The following UBE4B variants were observed in gnomAD, a reference collection of about 807,000 sequenced individuals.
The protein encoded by UBE4B is ubiquitin conjugation factor E4 B.
Under a neutral mutation model 148.1 loss-of-function variants are expected in UBE4B, and 27 were observed. The ratio of observed to expected loss-of-function variants is 0.18; its 90% CI spans 0.13 to 0.25. The LOEUF (loss-of-function observed/expected upper bound fraction) is 0.25. UBE4B is among the 10% of genes least tolerant of loss of function. The pLI, the probability that UBE4B is intolerant of heterozygous loss-of-function variation, is 1.00. For missense variants in UBE4B, 1,170 were observed against 1,662.4 expected (o/e 0.70, Z 5.15); for synonymous variants, 596 against 619.3 (o/e 0.96, Z 0.56).
intron 18 of UBE4B, among the ~76,000 whole-genome samples, chr1:10,145,781 C>T (rs1645861108): frequency 1.3e-5 from 2 of 152,164 alleles, no homozygotes. Flanking sequence ...CTTTGCCCCT[C>T]ATTCTTTCTT....
chr1:10,129,538 C>G, intron 12 of UBE4B, 90 bp downstream of exon 12: 2 of 1,333,804 alleles, frequency 1.5e-6, no homozygotes, highest in Non-Finnish European at 2.1e-6. Flanking sequence ...TGGAAAATGT[C>G]TCTTGAAGGA....
intron 1 of UBE4B, among the ~76,000 whole-genome samples, chr1:10,040,994 A>G (rs1012430510): frequency 3.9e-5 from 6 of 152,078 alleles, no homozygotes; most frequent in African/African-American, 1.4e-4. Flanking sequence ...TTTCCTCAGA[A>G]GATAGTTGCT....
At chr1:10,146,864 C>T in intron 18 of UBE4B, 99 bp from the exon 19 acceptor site, 1 of 1,467,972 alleles carries the variant, frequency 6.8e-7, no homozygotes, top group Non-Finnish European at 9.2e-7. Context: ...AGCTCTGGAA[C>T]CCAAATTTCC....
At chr1:10,072,994 G>A (rs1251059876) in intron 2 of UBE4B, 1 of 152,726 alleles carries the variant, frequency 6.5e-6, no homozygotes. Flanking sequence ...AAAAGTATTT[G>A]CAGAGTTTTT....
intron 1 of UBE4B, among the ~76,000 whole-genome samples, chr1:10,048,307 A>C (rs1170514206): frequency 1.3e-5 from 2 of 152,174 alleles, no homozygotes; most frequent in African/African-American, 2.4e-5. Flanking sequence ...ACATATTATG[A>C]ATATGCTGCC....
At chr1:10,167,940 A>G (rs1461554459) in intron 23 of UBE4B, among the ~76,000 whole-genome samples, 196 bp from the exon 24 acceptor site, 3 of 152,174 alleles carry the variant, frequency 2.0e-5, no homozygotes, top group African/African-American at 7.2e-5. Context: ...AGGCACCAAC[A>G]TCACCTGGCT....
chr1:10,146,240 T>C (rs1011849766), intron 18 of UBE4B, among the ~76,000 whole-genome samples: 2 of 152,076 alleles, frequency 1.3e-5, no homozygotes, highest in African/African-American at 2.4e-5. Context: ...TCACCTGAGG[T>C]CAGGAGTTCG....
chr1:10,084,524 C>G (rs561544034), intron 2 of UBE4B, among the ~76,000 whole-genome samples: 2 of 151,876 alleles, frequency 1.3e-5, no homozygotes, highest in African/African-American at 4.8e-5. Flanking sequence ...TTTGTCTGGT[C>G]TTCCAAACTA....
intron 19 of UBE4B, 33 bp downstream of exon 19, chr1:10,147,123 T>C (rs201734678): frequency 8.8e-5 from 142 of 1,613,596 alleles, no homozygotes; most frequent in Non-Finnish European, 1.1e-4. Flanking sequence ...CCCTTGTCCC[T>C]CCTTGGCTGG....
Position 10,145,156 on chromosome 1 carries a change from C to T in UBE4B, c.2463+117C>T. 2 of 703,596 alleles carry T rather than the reference C, an allele frequency of 2.8e-6. 1 individual carries two copies. Among genetic ancestry groups the T allele is most frequent in the East Asian group, 5.3e-5 (2 of 37,576 alleles). 43.6% of individuals were successfully genotyped at this position (703,596 alleles called of 1,614,324 possible). A position where few individuals can be genotyped will look rare whatever the true frequency, so the allele number is the denominator to read the frequency against. Reference sequence around the variant, plus strand: ...CTCACTTTTTCTTTGTTATTCTTTTCCCTTCCAATAAAATAGTATATTTTA... The same window carrying T: ...CTCACTTTTTCTTTGTTATTCTTTTTCCTTCCAATAAAATAGTATATTTTA... On this transcript the variant is annotated intron_variant, in intron 18 of 27. Transcript: ENST00000343090.
At chr1:10,048,945 T>C (rs1268181115) in intron 1 of UBE4B, among the ~76,000 whole-genome samples, 1 of 152,222 alleles carries the variant, frequency 6.6e-6, no homozygotes. Context: ...CTTTCTTTAT[T>C]CATTCAACAC....
chr1:10,040,833 G>T (rs6541076), intron 1 of UBE4B, among the ~76,000 whole-genome samples: 2 of 151,786 alleles, frequency 1.3e-5, no homozygotes, highest in South Asian at 2.1e-4. Context: ...TTGGCTTGGC[G>T]GGTCTCAAAC....
intron 1 of UBE4B, among the ~76,000 whole-genome samples, chr1:10,048,380 G>A (rs778425495): frequency 2.6e-5 from 4 of 152,142 alleles, no homozygotes; most frequent in Non-Finnish European, 4.4e-5. Flanking sequence ...CTTGGGGGAG[G>A]TTGGGGTTAG....
chr1:10,058,890 A>G (rs909874670), intron 1 of UBE4B: 8 of 152,260 alleles, frequency 5.3e-5, no homozygotes, highest in Non-Finnish European at 8.8e-5. Flanking sequence ...GAGTGGCACT[A>G]TAAGGGTCTG....
At position 10,119,616 on chromosome 1, in the gene UBE4B, A is replaced by G; in HGVS notation, c.1439+3A>G. 6.2e-7 allele frequency: 1 copy of G among 1,612,012 alleles called. No individual in the cohort carries two copies. ...CAAGGCTCCCTAACACAGCCCAGGT[A>G]TGAAGACCCGTGACGTGCTTGACAT... On this transcript the variant is annotated splice_donor_region_variant and intron_variant, in intron 9 of 27. Transcript: ENST00000343090.
At chr1:10,141,677 C>T (rs1180191150) in intron 17 of UBE4B, among the ~76,000 whole-genome samples, 3 of 152,112 alleles carry the variant, frequency 2.0e-5, no homozygotes, top group Admixed American at 2.0e-4. Context: ...CTTGATCTGA[C>T]TCTAGCTGTG....
At chr1:10,123,288 G>A (rs996010985) in intron 10 of UBE4B, among the ~76,000 whole-genome samples, 2 of 151,896 alleles carry the variant, frequency 1.3e-5, no homozygotes, top group Non-Finnish European at 2.9e-5. Context: ...AAAATTAACT[G>A]GGTGTGGTGA....
At chr1:10,098,470 A>G (rs1456395684) in intron 3 of UBE4B, among the ~76,000 whole-genome samples, 1 of 152,192 alleles carries the variant, frequency 6.6e-6, no homozygotes, top group African/African-American at 2.4e-5. Context: ...TCTCTTTTAC[A>G]GTTAGATTGG....
chr1:10,095,299 A>G (rs1029317810), intron 2 of UBE4B, among the ~76,000 whole-genome samples, 162 bp from the exon 3 acceptor site: 2 of 149,272 alleles, frequency 1.3e-5, no homozygotes, highest in Non-Finnish European at 3.0e-5. Context: ...CTATGATTTT[A>G]TTATTGTTTC....
Sources: gnomAD v4.1 joint callset for allele counts (sites outside exome capture counted in the v4.1 genomes callset) on GRCh38, gnomAD v4.1.1 for gene constraint, MANE v1.5 for transcripts, NCBI Gene and HGNC (gene_info 2026-07-23, HGNC 2026-07-21) for gene names.